Variants in AKAP6 observed in about 807,000 individuals in gnomAD.
AKAP6 encodes A-kinase anchor protein 6.
A neutral mutation model predicts 188.5 loss-of-function variants in AKAP6; 58 were observed. That is an observed-to-expected ratio of 0.31 (90% CI 0.25 to 0.38). The LOEUF is 0.38. Among genes scored for constraint, AKAP6 ranks in the 10% least tolerant of loss-of-function variants. The probability of loss-of-function intolerance (pLI) is 1.00; values close to 1 mark genes in which losing one functional copy is unlikely to be tolerated. For missense variants in AKAP6, 2,710 were observed against 2,740.0 expected, an observed-to-expected ratio of 0.99 and a Z score of 0.24; for synonymous variants, 989 against 998.6, an observed-to-expected ratio of 0.99 and a Z score of 0.18.
chr14:32,726,838 C>T (rs2030899219), intron 9 of AKAP6, among the ~76,000 whole-genome samples: 1 of 152,192 alleles, frequency 6.6e-6, no homozygotes, highest in African/African-American at 2.4e-5. Flanking sequence ...TGTCAGAGGT[C>T]ATCTGCATTA....
chr14:32,756,409 A>AG (rs1317336167), intron 11 of AKAP6, among the ~76,000 whole-genome samples: 1 of 152,042 alleles, frequency 6.6e-6, no homozygotes, highest in African/African-American at 2.4e-5. Context: ...CTGGGCTCAC[A>AG]GGGGTAATCC....
intron 3 of AKAP6, among the ~76,000 whole-genome samples, chr14:32,543,291 G>A (rs560352380): frequency 1.3e-5 from 2 of 152,306 alleles, no homozygotes; most frequent in South Asian, 2.1e-4. Flanking sequence ...GTGAGAACAT[G>A]TGGTATTTGT....
chr14:32,630,318 C>T (rs1364505419), intron 7 of AKAP6, among the ~76,000 whole-genome samples: 1 of 151,816 alleles, frequency 6.6e-6, no homozygotes, highest in Non-Finnish European at 1.5e-5. Context: ...GATTGTTCAA[C>T]ATTAGAGAAT....
intron 2 of AKAP6, among the ~76,000 whole-genome samples, chr14:32,533,412 A>G (rs1027763349): frequency 2.0e-5 from 3 of 152,158 alleles, no homozygotes; most frequent in African/African-American, 7.2e-5. Flanking sequence ...TCCCTACTAT[A>G]GTGTCTCAGG....
chr14:32,383,754 G>T (rs953848051), intron 1 of AKAP6, among the ~76,000 whole-genome samples: 45 of 152,124 alleles, frequency 3.0e-4, no homozygotes, highest in Admixed American at 2.8e-3. Context: ...TGAACTCAAG[G>T]TAATTCTGGT....
At chr14:32,492,355 T>TATAGAGAGAGAG in intron 2 of AKAP6, among the ~76,000 whole-genome samples, 34 of 82,608 alleles carry the variant, frequency 4.1e-4, no homozygotes, top group African/African-American at 8.6e-4. Context: ...TATATATATA[T>TATAGAGAGAGAG]AGAGAGAGAG....
intron 2 of AKAP6, among the ~76,000 whole-genome samples, chr14:32,528,402 T>C (rs1015788350): frequency 1.4e-4 from 21 of 152,234 alleles, no homozygotes; most frequent in East Asian, 1.9e-4. Context: ...CTTGTAGATG[T>C]CCAGTTCCAG....
chr14:32,363,071 C>T (rs116974341), intron 1 of AKAP6, among the ~76,000 whole-genome samples: 1 of 152,314 alleles, frequency 6.6e-6, no homozygotes, highest in East Asian at 1.9e-4. Flanking sequence ...AGAGAAAACA[C>T]ATGTTCCCCT....
intron 4 of AKAP6, 131 bp downstream of exon 4, chr14:32,547,130 GA>G: frequency 1.0e-6 from 1 of 962,048 alleles, no homozygotes. Context: ...TCCAAAGAAA[GA>G]AAAGAAAAAG....
intron 4 of AKAP6, among the ~76,000 whole-genome samples, chr14:32,547,827 G>A (rs976460475): frequency 7.0e-6 from 1 of 143,136 alleles, no homozygotes; most frequent in Non-Finnish European, 1.5e-5. Flanking sequence ...CTGGGCAACA[G>A]AGTGAGACCC....
At chr14:32,618,388 C>T (rs1052233405) in intron 7 of AKAP6, among the ~76,000 whole-genome samples, 5 of 152,174 alleles carry the variant, frequency 3.3e-5, no homozygotes, top group African/African-American at 7.2e-5. Flanking sequence ...TATTGTGCTA[C>T]TCTGTATGCC....
At chr14:32,595,147 C>T (rs1220033838) in intron 5 of AKAP6, among the ~76,000 whole-genome samples, 1 of 152,134 alleles carries the variant, frequency 6.6e-6, no homozygotes, top group Non-Finnish European at 1.5e-5. Flanking sequence ...TTCCTTGTCT[C>T]CAGTCTGCCC....
At chr14:32,370,183 C>T (rs920384784) in intron 1 of AKAP6, among the ~76,000 whole-genome samples, 3 of 152,176 alleles carry the variant, frequency 2.0e-5, no homozygotes, top group African/African-American at 7.2e-5. Flanking sequence ...GAAACACCTG[C>T]CATCTGTCAA....
chr14:32,792,086 A>G (rs564291815), intron 12 of AKAP6, among the ~76,000 whole-genome samples: 2 of 152,090 alleles, frequency 1.3e-5, no homozygotes, highest in African/African-American at 4.8e-5. Context: ...TTTGCTTAGG[A>G]TTGTCTGGAC....
chr14:32,570,596 T>C (rs1006904142), intron 4 of AKAP6, among the ~76,000 whole-genome samples: 9 of 152,212 alleles, frequency 5.9e-5, no homozygotes, highest in African/African-American at 2.2e-4. Context: ...CAAGCTCTTG[T>C]TTTACATCAG....
chr14:32,548,058 G>A (rs1883275745), intron 4 of AKAP6, among the ~76,000 whole-genome samples: 2 of 145,456 alleles, frequency 1.4e-5, no homozygotes, highest in Non-Finnish European at 1.5e-5. Flanking sequence ...TATAATTTGT[G>A]TATGACTTTA....
rs2034841515 is a variant in AKAP6, at chr14:32,833,378, A to G, written c.*3573A>G. 2 of 152,206 alleles carry G rather than the reference A, an allele frequency of 1.3e-5. No individual in the cohort carries two copies. Among genetic ancestry groups the G allele is most frequent in the Non-Finnish European group, 2.9e-5 (2 of 68,032 alleles). The allele number at this position is 152,206 out of a possible 1,614,324, so 9.4% of individuals were successfully genotyped here. On this transcript the variant is annotated 3_prime_UTR_variant, in exon 14 of 14. Transcript: ENST00000280979. ...AAATGATGACCTCATTTAGTTTCTG[A>G]TGAAGTTTCTCTACATTTAAGAAAA...
intron 7 of AKAP6, among the ~76,000 whole-genome samples, chr14:32,626,149 T>G (rs1245734809): frequency 3.3e-5 from 5 of 152,156 alleles, no homozygotes; most frequent in Non-Finnish European, 7.4e-5. Context: ...CAGATAGGAC[T>G]GCAGACTTAC....
intron 2 of AKAP6, among the ~76,000 whole-genome samples, chr14:32,446,502 A>G (rs575355873): frequency 6.6e-6 from 1 of 152,152 alleles, no homozygotes; most frequent in African/African-American, 2.4e-5. Flanking sequence ...AGATATCTGT[A>G]TTTCAAAAAA....
Sources: gnomAD v4.1 joint callset for allele counts (sites outside exome capture counted in the v4.1 genomes callset) on GRCh38, gnomAD v4.1.1 for gene constraint, MANE v1.5 for transcripts, NCBI Gene and HGNC (gene_info 2026-07-23, HGNC 2026-07-21) for gene names.